Variants in USP50 observed in about 807,000 individuals in gnomAD.
The protein encoded by USP50 is ubiquitin specific peptidase 50, also known as ubiquitin carboxyl-terminal hydrolase 50.
A neutral mutation model predicts 39.2 loss-of-function variants in USP50; 37 were observed. That is an observed-to-expected ratio of 0.94 (90% confidence interval 0.73 to 1.24). USP50 has a LOEUF of 1.24. Among genes scored for constraint, USP50 ranks in the 50% most tolerant of loss-of-function variants. The pLI is 0.00. For missense variants in USP50, 374 were observed against 398.2 expected (o/e 0.94, Z 0.52); for synonymous variants, 139 against 144.5 (o/e 0.96, Z 0.27).
chr15:50,512,902 A>G, intron 6 of USP50: 1 of 152,248 alleles, frequency 6.6e-6, no homozygotes, highest in East Asian at 1.9e-4. Context: ...TTGGGAAACA[A>G]AAAGATCATG....
intron 5 of USP50, among the ~76,000 whole-genome samples, chr15:50,532,881 A>G (rs1458850916): frequency 6.6e-6 from 1 of 152,208 alleles, no homozygotes; most frequent in African/African-American, 2.4e-5. Context: ...CTACTAGAGG[A>G]AAAAACTGCA....
chr15:50,501,160 CAATAAGAAGAT>C (rs765986080), intron 6 of USP50: 1 of 249,086 alleles, frequency 4.0e-6, no homozygotes, highest in Non-Finnish European at 8.1e-6. Flanking sequence ...GGAAATTTTA[CAATAAGAAGAT>C]AATTCAGGCC....
rs369781425 is a variant in USP50 at position 50,544,682 on chromosome 15, G to A, written c.153C>T (p.Asn51=). The A allele has an allele frequency of 1.4e-5, 23 of 1,613,832 alleles. No individual in the cohort carries two copies. Among genetic ancestry groups the A allele is most frequent in the Admixed American group, 3.3e-5 (2 of 59,984 alleles). The change falls in exon 2 of 7, where the codon AAC becomes AAT. Residue 51 remains asparagine (N), a synonymous_variant. Coordinates refer to ENST00000532404, the MANE Select transcript of USP50 (RefSeq NM_203494.5). ...QGVTGLWNLG[N]TCCVNAISQC... is the part of the protein sequence containing the mutation. ...GTGAGATGGCATTCACGCAGCATGT[G>A]TTGCCCAAGTTCCACAAGCCAGTGA...
At chr15:50,525,580 A>ATACATG in intron 6 of USP50, among the ~76,000 whole-genome samples, 1 of 114,960 alleles carries the variant, frequency 8.7e-6, no homozygotes, top group Non-Finnish European at 1.9e-5. Flanking sequence ...ATGTATATGT[A>ATACATG]TATATGTATA....
chr15:50,518,985 C>T (rs1239895016), intron 6 of USP50, among the ~76,000 whole-genome samples: 4 of 151,886 alleles, frequency 2.6e-5, no homozygotes, highest in African/African-American at 9.7e-5. Context: ...AGAAATAATC[C>T]CATTAAAAAG....
At chr15:50,523,299 C>A (rs905280122) in intron 6 of USP50, among the ~76,000 whole-genome samples, 1 of 150,846 alleles carries the variant, frequency 6.6e-6, no homozygotes, top group Non-Finnish European at 1.5e-5. Flanking sequence ...CCACATCAGC[C>A]TCTGGAGTAG....
chr15:50,494,888 G>T (rs2052314887), intron 1 of USP50, among the ~76,000 whole-genome samples: 1 of 152,074 alleles, frequency 6.6e-6, no homozygotes, highest in Non-Finnish European at 1.5e-5. Flanking sequence ...AGTGGCATGT[G>T]CCTGTAATCC....
chr15:50,499,065 C>T (rs142928952), downstream of USP50: 285 of 1,610,132 alleles, frequency 1.8e-4, 2 homozygotes, highest in South Asian at 4.6e-4. Flanking sequence ...ATTGGGACCA[C>T]GAGTAACTGA....
downstream of USP50, chr15:50,495,790 T>C: frequency 7.4e-7 from 1 of 1,360,210 alleles, no homozygotes; most frequent in Admixed American, 2.1e-5. Context: ...TTTTATTCTT[T>C]CAATTTAAAT....
Position 50,546,567 on chromosome 15 carries a change from T to C in USP50, c.-42A>G. Reference sequence around the variant, plus strand: ...TGGACTTTTGCTTCTATTCAGGAGCTACATCTATTCCTTTCAACTTCATTT... The same window carrying C: ...TGGACTTTTGCTTCTATTCAGGAGCCACATCTATTCCTTTCAACTTCATTT... On this transcript the variant is annotated 5_prime_UTR_variant, in exon 1 of 7. It removes the in-frame stop codon of an upstream open reading frame in the 5' UTR. Coordinates refer to ENST00000532404, the MANE Select transcript of USP50 (RefSeq NM_203494.5). The C allele has an allele frequency of 6.2e-7, 1 of 1,604,738 alleles. No individual in the cohort carries two copies. Among genetic ancestry groups the C allele is most frequent in the Non-Finnish European group, 8.5e-7 (1 of 1,171,650 alleles).
At chr15:50,511,077 C>T (rs918703196) in intron 6 of USP50, 6 of 152,178 alleles carry the variant, frequency 3.9e-5, no homozygotes, top group African/African-American at 1.4e-4. Flanking sequence ...CGTGCCCGGC[C>T]GATGTACACC....
chr15:50,493,163 T>A, downstream of USP50: 1 of 572,222 alleles, frequency 1.7e-6, no homozygotes, highest in Non-Finnish European at 3.3e-6. Context: ...AGACTCGTCC[T>A]GTCGAGCCCT....
At chr15:50,506,190 G>A (rs958593093) in intron 6 of USP50, 2 of 152,314 alleles carry the variant, frequency 1.3e-5, no homozygotes, top group African/African-American at 2.4e-5. Flanking sequence ...GAACAACAGG[G>A]GAAAACAACA....
intron 2 of USP50, among the ~76,000 whole-genome samples, chr15:50,544,364 C>A (rs2053054332): frequency 6.6e-6 from 1 of 150,868 alleles, no homozygotes; most frequent in Non-Finnish European, 1.5e-5. Flanking sequence ...CCTGGCTCAA[C>A]AACAACAATA....
chr15:50,539,144 C>T (rs1307982905), intron 4 of USP50, among the ~76,000 whole-genome samples: 1 of 144,668 alleles, frequency 6.9e-6, no homozygotes, highest in Non-Finnish European at 1.5e-5. Context: ...GAGTCTCGCT[C>T]TGTCACACAG....
At chr15:50,506,974 A>G (rs1267714349) in intron 6 of USP50, 1 of 150,932 alleles carries the variant, frequency 6.6e-6, no homozygotes, top group African/African-American at 2.5e-5. Context: ...AAAAAAAAAA[A>G]AAAAAAAAAA....
chr15:50,499,565 A>G (rs1307305351), downstream of USP50: 2 of 151,520 alleles, frequency 1.3e-5, no homozygotes, highest in East Asian at 3.9e-4. Flanking sequence ...TGTGAAACCT[A>G]GAACTCAGAG....
chr15:50,542,557 C>T (rs2174609), intron 3 of USP50, among the ~76,000 whole-genome samples: 36,328 of 143,504 alleles, frequency 0.25, 4,680 homozygotes, highest in East Asian at 0.47. Context: ...GGCATGATCT[C>T]GGCTCACTGC....
At chr15:50,533,927 G>T (rs2052960474) in intron 5 of USP50, among the ~76,000 whole-genome samples, 1 of 152,130 alleles carries the variant, frequency 6.6e-6, no homozygotes. Flanking sequence ...TTGAACCTGG[G>T]AGGCAGAGAT....
Sources: allele counts gnomAD v4.1 joint callset (sites outside exome capture counted in the v4.1 genomes callset), GRCh38; gene constraint gnomAD v4.1.1; transcripts MANE v1.5; gene names NCBI Gene and HGNC (gene_info 2026-07-23, HGNC 2026-07-21).